ASTN1: variants seen among roughly 807,000 people sequenced by gnomAD.
ASTN1 encodes astrotactin 1.
In ASTN1, 41 loss-of-function variants were observed where a neutral mutation model predicts 140.7. The ratio of observed to expected loss-of-function variants is 0.29; its 90% CI spans 0.23 to 0.38. The LOEUF (loss-of-function observed/expected upper bound fraction) is 0.38. Among genes scored for constraint, ASTN1 ranks in the 10% least tolerant of loss-of-function variants. The pLI is 1.00. For synonymous variants in ASTN1, 640 were observed against 652.2 expected (o/e 0.98, Z 0.29); for missense variants, 1,479 against 1,678.8 (o/e 0.88, Z 2.08).
At chr1:177,089,494 A>G (rs1004633972) in intron 1 of ASTN1, among the ~76,000 whole-genome samples, 3 of 152,166 alleles carry the variant, frequency 2.0e-5, no homozygotes, top group African/African-American at 7.2e-5. Flanking sequence ...GCGACAAATA[A>G]GATCAACGTT....
At chr1:176,965,928 A>ATTCCT (rs1672861516) in intron 8 of ASTN1, among the ~76,000 whole-genome samples, 2 of 99,232 alleles carry the variant, frequency 2.0e-5, no homozygotes, top group Admixed American at 1.1e-4. Context: ...CTTAACTGTA[A>ATTCCT]TTCCTTCTAG....
At chr1:177,129,454 C>T (rs991533118) in intron 1 of ASTN1, among the ~76,000 whole-genome samples, 4 of 152,132 alleles carry the variant, frequency 2.6e-5, no homozygotes, top group African/African-American at 9.7e-5. Flanking sequence ...AATGCCACCG[C>T]CAGATCTAGA....
chr1:177,085,951 A>G (rs1037255609), intron 1 of ASTN1, among the ~76,000 whole-genome samples: 1 of 152,126 alleles, frequency 6.6e-6, no homozygotes, highest in African/African-American at 2.4e-5. Context: ...GTTAGTGGCA[A>G]GGTCAAAATT....
chr1:177,019,721 C>T (rs1057231564), intron 7 of ASTN1, among the ~76,000 whole-genome samples: 1 of 152,170 alleles, frequency 6.6e-6, no homozygotes, highest in Non-Finnish European at 1.5e-5. Context: ...AATAGAAATA[C>T]AGAGGGAGGC....
At position 177,162,637 on chromosome 1, in the gene ASTN1, T is replaced by G. The variant is rs142143547; in HGVS notation, c.283+1757A>C. On this transcript the variant is annotated intron_variant, in intron 1 of 22. Coordinates refer to ENST00000361833, the MANE Select transcript of ASTN1 (RefSeq NM_004319.3). ...GTTGAATACCTGCTAGCCCTCCCTT[T>G]TTTTAAGCACCATGCTTGTACCTCT... Among the ~76,000 whole-genome samples, 127 of 152,344 alleles carry G rather than the reference T, an allele frequency of 8.3e-4. 1 individual carries two copies. The highest frequency in any genetic ancestry group is 2.3e-3 in the African/African-American group (95 of 41,576).
At chr1:177,029,427 T>C (rs1306874660) in intron 5 of ASTN1, 6 of 752,410 alleles carry the variant, frequency 8.0e-6, no homozygotes. Flanking sequence ...AGTGCCATTA[T>C]CTGGGAGAGA....
At chr1:177,087,782 C>T (rs766285672) in intron 1 of ASTN1, among the ~76,000 whole-genome samples, 1 of 152,182 alleles carries the variant, frequency 6.6e-6, no homozygotes, top group Non-Finnish European at 1.5e-5. Context: ...ACTTGTGAGG[C>T]CGGCTCCTAC....
chr1:176,975,790 T>C (rs1011519239), intron 8 of ASTN1, among the ~76,000 whole-genome samples: 2 of 152,198 alleles, frequency 1.3e-5, no homozygotes, highest in African/African-American at 2.4e-5. Flanking sequence ...GTCCTCAAAT[T>C]TTGATGGCTC....
intron 8 of ASTN1, among the ~76,000 whole-genome samples, chr1:176,986,075 C>G (rs1057106935): frequency 6.6e-6 from 1 of 152,158 alleles, no homozygotes; most frequent in African/African-American, 2.4e-5. Flanking sequence ...CCAGCCTGCT[C>G]TTTTGTCCCT....
intron 2 of ASTN1, among the ~76,000 whole-genome samples, chr1:177,039,320 G>A (rs1189847594): frequency 6.6e-6 from 1 of 152,244 alleles, no homozygotes; most frequent in African/African-American, 2.4e-5. Context: ...GGTAGCTCAT[G>A]TCTCCTGTTT....
At chr1:177,116,929 T>C (rs1240496988) in intron 1 of ASTN1, among the ~76,000 whole-genome samples, 2 of 152,178 alleles carry the variant, frequency 1.3e-5, no homozygotes, top group Non-Finnish European at 2.9e-5. Flanking sequence ...GGACCCGGGC[T>C]TCCACTCCCT....
intron 8 of ASTN1, chr1:176,981,881 G>A (rs1032833651): frequency 2.0e-5 from 3 of 152,490 alleles, no homozygotes; most frequent in African/African-American, 7.2e-5. Context: ...TTCTATATGA[G>A]AAATGTTATC....
chr1:176,899,785 C>A (rs1448726664), intron 16 of ASTN1, among the ~76,000 whole-genome samples: 3 of 152,114 alleles, frequency 2.0e-5, no homozygotes, highest in Non-Finnish European at 4.4e-5. Context: ...TTGGGATGTA[C>A]AATCATGTCT....
intron 8 of ASTN1, among the ~76,000 whole-genome samples, chr1:176,977,083 A>G (rs1673399089): frequency 6.6e-6 from 1 of 152,246 alleles, no homozygotes; most frequent in Non-Finnish European, 1.5e-5. Flanking sequence ...GACAGGATGT[A>G]CAATAGAAAA....
At chr1:177,048,616 A>T (rs1677371785) in intron 2 of ASTN1, among the ~76,000 whole-genome samples, 1 of 152,188 alleles carries the variant, frequency 6.6e-6, no homozygotes, top group Non-Finnish European at 1.5e-5. Flanking sequence ...AAAGGCCTCC[A>T]GAGGCAATTC....
At chr1:177,014,250 G>T (rs986959706) in intron 8 of ASTN1, among the ~76,000 whole-genome samples, 11 of 152,172 alleles carry the variant, frequency 7.2e-5, no homozygotes, top group African/African-American at 2.4e-4. Context: ...TGTCCCACTC[G>T]TGTGTGTCTA....
chr1:176,936,224 G>A, intron 15 of ASTN1, 42 bp downstream of exon 15: 1 of 1,561,006 alleles, frequency 6.4e-7, no homozygotes. Context: ...GGACTTCTAA[G>A]TTCCAGGGAA....
intron 8 of ASTN1, chr1:176,981,690 G>T (rs552654281): frequency 6.5e-6 from 1 of 152,740 alleles, no homozygotes; most frequent in Non-Finnish European, 1.5e-5. Context: ...TGGATGTGAC[G>T]ATGAAGGAGA....
chr1:177,061,304 A>G (rs764991196), intron 1 of ASTN1, 39 bp from the exon 2 acceptor site: 3 of 1,442,704 alleles, frequency 2.1e-6, no homozygotes, highest in Non-Finnish European at 2.8e-6. Flanking sequence ...GAGAATTAGG[A>G]TGGGACCAAG....
Sources: gnomAD v4.1 joint callset for allele counts (sites outside exome capture counted in the v4.1 genomes callset) on GRCh38, gnomAD v4.1.1 for gene constraint, MANE v1.5 for transcripts, NCBI Gene and HGNC (gene_info 2026-07-23, HGNC 2026-07-21) for gene names.